The following KAZN variants were observed in gnomAD, a reference collection of about 807,000 sequenced individuals.
KAZN encodes the protein kazrin.
In KAZN, 40 loss-of-function variants were observed where a neutral mutation model predicts 87.4. The observed-to-expected ratio is 0.46, with a 90% CI of 0.36 to 0.60. The LOEUF (loss-of-function observed/expected upper bound fraction) is 0.60. Ranked by LOEUF, KAZN falls within the 20% of genes least tolerant of loss-of-function variation. The probability of loss-of-function intolerance (pLI) is 0.00; values close to 1 mark genes in which losing one functional copy is unlikely to be tolerated. For missense variants in KAZN, 898 were observed against 1,073.9 expected, an observed-to-expected ratio of 0.84 and a Z score of 2.29; for synonymous variants, 466 against 458.3, an observed-to-expected ratio of 1.02 and a Z score of -0.22.
chr1:14,736,023 G>T (rs1212148278), intron 1 of KAZN, among the ~76,000 whole-genome samples: 2 of 152,134 alleles, frequency 1.3e-5, no homozygotes, highest in East Asian at 3.9e-4. Context: ...CTAGAGATAA[G>T]ACAGGCCGTC....
chr1:14,340,657 CTTGCTG>C (rs1360824391), intron 2 of KAZN, among the ~76,000 whole-genome samples: 1 of 152,182 alleles, frequency 6.6e-6, no homozygotes, highest in Non-Finnish European at 1.5e-5. Flanking sequence ...AGGCACAATG[CTTGCTG>C]TCTGTAGGCA....
At chr1:14,977,054 C>T (rs1665709043) in intron 2 of KAZN, among the ~76,000 whole-genome samples, 1 of 152,116 alleles carries the variant, frequency 6.6e-6, no homozygotes, top group South Asian at 2.1e-4. Context: ...GACTCCATCT[C>T]AAATTAAAAA....
chr1:14,094,078 A>C (rs1168453972), intron 1 of KAZN, among the ~76,000 whole-genome samples: 1 of 151,924 alleles, frequency 6.6e-6, no homozygotes, highest in Non-Finnish European at 1.5e-5. Context: ...GGCTTTGGGG[A>C]AAGGGGGTTT....
chr1:15,075,660 A>G (rs4661572), intron 8 of KAZN, among the ~76,000 whole-genome samples: 59,790 of 152,028 alleles, frequency 0.39, 13,918 homozygotes, highest in East Asian at 0.78. Context: ...GAGGTGACAG[A>G]CACCAGGTCA....
At chr1:14,837,550 AT>A (rs1164233693) in intron 1 of KAZN, among the ~76,000 whole-genome samples, 10,133 of 117,658 alleles carry the variant, frequency 0.086, 629 homozygotes, top group African/African-American at 0.22. Flanking sequence ...TAGCTGTATA[AT>A]TTTTTTTTTT....
At position 14,856,895 on chromosome 1, in the gene KAZN, A is replaced by G. The variant is rs563843306; in HGVS notation, c.227-103789A>G. On this transcript the variant is annotated intron_variant, in intron 1 of 14. Transcript: ENST00000376030. This position sits in a 1 kb window ranked among gnomAD's most constrained non-coding sequence, Gnocchi z 5.2. ...GAGGTGTGTGAATTGGAGTTGCTTA[A>G]TTAAGCAGAGGAAGCTAAAAGATGC... Among the ~76,000 whole-genome samples the G allele has an allele frequency of 2.6e-5, 4 of 152,320 alleles. No individual in the cohort carries two copies. The highest frequency in any genetic ancestry group is 2.0e-4 in the Admixed American group (3 of 15,292).
At chr1:14,883,355 AAAAGAAAGAAAGAAAGAAAGAAAG>A (rs1244741160) in intron 1 of KAZN, among the ~76,000 whole-genome samples, 14 of 20,600 alleles carry the variant, frequency 6.8e-4, no homozygotes, top group Admixed American at 3.3e-3. Context: ...AGAAAGAAAG[AAAAGAAAGAAAGAAAGAAAGAAAG>A]AAAGAAAGAA....
intron 4 of KAZN, among the ~76,000 whole-genome samples, chr1:15,045,240 A>C (rs2100354437): frequency 6.6e-6 from 1 of 152,274 alleles, no homozygotes; most frequent in African/African-American, 2.4e-5. Flanking sequence ...GGAGGACGTA[A>C]GTCTTAGAGG....
intron 2 of KAZN, among the ~76,000 whole-genome samples, chr1:14,223,739 G>A (rs555523255): frequency 1.2e-4 from 18 of 152,264 alleles, no homozygotes; most frequent in African/African-American, 2.9e-4. Flanking sequence ...AAACTGATAC[G>A]AAAGGAGAAA....
rs540217242 is a variant in KAZN, at chr1:14,906,263, T to C, written c.227-54421T>C. On this transcript the variant is annotated intron_variant, in intron 1 of 14. Transcript: ENST00000376030. ...TGTGAACTCCCCAGAGGAACTTGGATGTGAACAGCAGACAATTTCACAGTC... is the reference window on the plus strand; with the variant it reads ...TGTGAACTCCCCAGAGGAACTTGGACGTGAACAGCAGACAATTTCACAGTC... Among the ~76,000 whole-genome samples, 48 of 152,228 alleles carry C rather than the reference T, an allele frequency of 3.2e-4. No homozygotes were observed. The Middle Eastern group carries it at 0.01, about 33-fold the overall frequency.
At chr1:14,054,053 G>A (rs533228634) in intron 1 of KAZN, among the ~76,000 whole-genome samples, 5 of 152,086 alleles carry the variant, frequency 3.3e-5, no homozygotes, top group African/African-American at 1.2e-4. Context: ...GAGCAGGAAG[G>A]GGAGGGATTG....
At chr1:14,379,459 C>T (rs998749268) in intron 2 of KAZN, among the ~76,000 whole-genome samples, 3 of 152,208 alleles carry the variant, frequency 2.0e-5, no homozygotes, top group Middle Eastern at 6.8e-3. Flanking sequence ...GATTTCAGGC[C>T]TTGGCTCTTA....
At chr1:15,006,570 C>G (rs1054522128) in intron 2 of KAZN, among the ~76,000 whole-genome samples, 2 of 152,278 alleles carry the variant, frequency 1.3e-5, no homozygotes, top group Middle Eastern at 3.4e-3. Flanking sequence ...TCATTCATGC[C>G]GCACATATTT....
chr1:14,586,248 A>C (rs1675839105), intron 2 of KAZN, among the ~76,000 whole-genome samples: 1 of 152,224 alleles, frequency 6.6e-6, no homozygotes, highest in Non-Finnish European at 1.5e-5. Context: ...GAAGCTTTTC[A>C]AAACAGAGTG....
chr1:14,658,442 C>T (rs151292422), intron 1 of KAZN, among the ~76,000 whole-genome samples: 1,551 of 152,176 alleles, frequency 0.01, 25 homozygotes, highest in East Asian at 0.042. Flanking sequence ...AAATTCCTTC[C>T]CTGTAGGAAG....
At chr1:14,050,554 TCTC>T (rs917023396) in intron 1 of KAZN, among the ~76,000 whole-genome samples, 6 of 152,088 alleles carry the variant, frequency 3.9e-5, no homozygotes, top group African/African-American at 1.4e-4. Flanking sequence ...ACCCATCAGA[TCTC>T]CTGAGAATTC....
At chr1:14,926,995 C>T (rs889628403) in intron 1 of KAZN, among the ~76,000 whole-genome samples, 2 of 152,016 alleles carry the variant, frequency 1.3e-5, no homozygotes, top group African/African-American at 4.8e-5. Flanking sequence ...AGGTGATGGC[C>T]CTGTGATGGT....
chr1:15,025,012 C>T (rs192820326), intron 2 of KAZN, among the ~76,000 whole-genome samples: 89 of 152,326 alleles, frequency 5.8e-4, no homozygotes, highest in African/African-American at 2.0e-3. Flanking sequence ...CCTCATGGCA[C>T]AGGATCCTGC....
intron 1 of KAZN, among the ~76,000 whole-genome samples, chr1:14,702,366 G>GTGTGTGTGT (rs1641976173): frequency 6.7e-6 from 1 of 150,144 alleles, no homozygotes; most frequent in South Asian, 2.1e-4. Flanking sequence ...GTGTGTGTGT[G>GTGTGTGTGT]GATTTCTCTG....
Sources: gnomAD v4.1 joint callset for allele counts (sites outside exome capture counted in the v4.1 genomes callset) on GRCh38, gnomAD v4.1.1 for gene constraint, Gnocchi (gnomAD v3.1) non-coding constraint, MANE v1.5 for transcripts, NCBI Gene and HGNC (gene_info 2026-07-23, HGNC 2026-07-21) for gene names.